The following DKK2 variants were observed in gnomAD, a reference collection of about 807,000 sequenced individuals.
The protein encoded by DKK2 is dickkopf-related protein 2.
In DKK2, 11 loss-of-function variants were observed where a neutral mutation model predicts 28.1. The observed-to-expected ratio is 0.39, with a 90% CI of 0.25 to 0.65. DKK2 has a LOEUF of 0.65. Ranked by LOEUF, DKK2 falls within the 30% of genes least tolerant of loss-of-function variation. The pLI, the probability that DKK2 is intolerant of heterozygous loss-of-function variation, is 0.47. For missense variants in DKK2, 326 were observed against 335.5 expected (o/e 0.97, Z 0.22); for synonymous variants, 135 against 126.5 (o/e 1.07, Z -0.45).
intron 1 of DKK2, among the ~76,000 whole-genome samples, chr4:106,982,105 T>C (rs1723034739): frequency 6.6e-6 from 1 of 152,218 alleles, no homozygotes; most frequent in Non-Finnish European, 1.5e-5. Context: ...AGTATTTCAA[T>C]GTATGACAAG....
intron 1 of DKK2, among the ~76,000 whole-genome samples, chr4:107,020,767 G>C (rs770966399): frequency 2.4e-4 from 37 of 151,622 alleles, no homozygotes; most frequent in Non-Finnish European, 5.2e-4. Flanking sequence ...GACAGGCTTT[G>C]TGTGTGTGTG....
chr4:106,971,115 C>T (rs1034260023), intron 1 of DKK2, among the ~76,000 whole-genome samples: 21 of 152,122 alleles, frequency 1.4e-4, no homozygotes, highest in African/African-American at 4.8e-4. Context: ...TTTGTGTTCC[C>T]TCTGGGTAAA....
At chr4:107,017,016 G>A (rs72666035) in intron 1 of DKK2, among the ~76,000 whole-genome samples, 733 of 152,038 alleles carry the variant, frequency 4.8e-3, no homozygotes, top group Non-Finnish European at 8.3e-3. Flanking sequence ...CAAAAGGAGC[G>A]ACTAGAGATG....
rs866601676 is a variant in DKK2 at position 106,940,093 on chromosome 4, G to C, written c.223-14144C>G. Among the ~76,000 whole-genome samples the C allele has an allele frequency of 4.9e-3, 748 of 152,236 alleles. 3 individuals carry two copies. The highest frequency in any genetic ancestry group is 0.017 in the African/African-American group (697 of 41,536). On this transcript the variant is annotated intron_variant, in intron 1 of 3. Transcript: ENST00000285311. ...AACACCAAAAGCAATGGCAACAAAA[G>C]CCAAAATTGACAAATGGGATCCAAT...
intron 1 of DKK2, among the ~76,000 whole-genome samples, chr4:107,031,876 G>T (rs1364197534): frequency 6.6e-6 from 1 of 151,844 alleles, no homozygotes; most frequent in Non-Finnish European, 1.5e-5. Flanking sequence ...GTCCATAAAA[G>T]TCAACACCTC....
intron 1 of DKK2, among the ~76,000 whole-genome samples, chr4:106,935,255 CG>C (rs1339833883): frequency 2.7e-5 from 4 of 149,460 alleles, no homozygotes; most frequent in South Asian, 2.1e-4. Context: ...TCAGTGGGTG[CG>C]CGCACCGTGT....
chr4:107,015,888 C>T (rs1486278365), intron 1 of DKK2, among the ~76,000 whole-genome samples: 1 of 151,716 alleles, frequency 6.6e-6, no homozygotes, highest in South Asian at 2.1e-4. Context: ...AAACAAAATA[C>T]AATTTCCCTC....
At chr4:106,948,076 TTGAG>T (rs1280092954) in intron 1 of DKK2, among the ~76,000 whole-genome samples, 2 of 152,178 alleles carry the variant, frequency 1.3e-5, no homozygotes, top group Non-Finnish European at 2.9e-5. Context: ...ATTCAGCAGT[TTGAG>T]TGGGCATTAT....
At chr4:106,967,918 G>A (rs1423351704) in intron 1 of DKK2, among the ~76,000 whole-genome samples, 1 of 149,496 alleles carries the variant, frequency 6.7e-6, no homozygotes, top group Non-Finnish European at 1.5e-5. Context: ...TTAAGGGATG[G>A]AGAGAGGGGT....
At chr4:106,948,701 T>A (rs1397679795) in intron 1 of DKK2, among the ~76,000 whole-genome samples, 1 of 152,188 alleles carries the variant, frequency 6.6e-6, no homozygotes, top group Non-Finnish European at 1.5e-5. Context: ...GAACCAGAAG[T>A]ATCTCCTATC....
rs1724367422 is a variant in DKK2 at position 106,922,899 on chromosome 4, T to C, written c.*1055A>G. ...TGAACAAACGAAAAAGTTTTCCCAA[T>C]TTTCTTGCTTACTCCAGTGCAGTAC... is the stretch of plus-strand genomic sequence containing the variant. On this transcript the variant is annotated 3_prime_UTR_variant, in exon 4 of 4. Transcript: ENST00000285311. The C allele has an allele frequency of 6.6e-6, 1 of 152,146 alleles. No homozygotes were observed. Among genetic ancestry groups the C allele is most frequent in the African/African-American group, 2.4e-5 (1 of 41,440 alleles). 9.4% of individuals were successfully genotyped at this position (152,146 alleles called of 1,614,324 possible).
intron 1 of DKK2, among the ~76,000 whole-genome samples, chr4:106,999,114 G>A (rs1247760768): frequency 6.6e-6 from 1 of 152,124 alleles, no homozygotes; most frequent in African/African-American, 2.4e-5. Context: ...TGACCCCACA[G>A]CTAAGTTTGT....
rs1724363877 is a variant in DKK2, at chr4:106,922,686, T to G, written c.*1268A>C. The G allele has an allele frequency of 6.6e-6, 1 of 152,168 alleles. No individual in the cohort carries two copies. Among genetic ancestry groups the G allele is most frequent in the Non-Finnish European group, 1.5e-5 (1 of 68,032 alleles). 9.4% of individuals were successfully genotyped at this position (152,168 alleles called of 1,614,324 possible). A position where few individuals can be genotyped will look rare whatever the true frequency, so the allele number is the denominator to read the frequency against. Reference sequence around the variant, plus strand: ...TCCTGAAATTGAGATTATTTGAGGATCTCAGCACTATAAAATAAATAATTT... The same window carrying G: ...TCCTGAAATTGAGATTATTTGAGGAGCTCAGCACTATAAAATAAATAATTT... On this transcript the variant is annotated 3_prime_UTR_variant, in exon 4 of 4. Transcript: ENST00000285311.
chr4:107,024,013 C>A (rs1379680630), intron 1 of DKK2, among the ~76,000 whole-genome samples: 1 of 152,072 alleles, frequency 6.6e-6, no homozygotes, highest in African/African-American at 2.4e-5. Context: ...CACTCACTTT[C>A]TTCTTTAAAA....
intron 1 of DKK2, among the ~76,000 whole-genome samples, chr4:107,002,457 G>T (rs541766827): frequency 6.6e-6 from 1 of 152,222 alleles, no homozygotes; most frequent in East Asian, 1.9e-4. Flanking sequence ...TACAGTGTTT[G>T]TCATTTGGGT....
intron 1 of DKK2, among the ~76,000 whole-genome samples, chr4:106,950,627 G>A (rs550703500): frequency 3.9e-5 from 6 of 152,162 alleles, no homozygotes; most frequent in South Asian, 2.1e-4. Context: ...TCTTCCCGCC[G>A]TTATTCCCAC....
intron 1 of DKK2, among the ~76,000 whole-genome samples, chr4:107,031,463 G>A (rs1022713444): frequency 2.0e-5 from 3 of 151,930 alleles, no homozygotes; most frequent in African/African-American, 7.2e-5. Flanking sequence ...TAGTCAACTC[G>A]TTCAAGCTTC....
intron 1 of DKK2, among the ~76,000 whole-genome samples, chr4:106,937,802 G>T (rs1319838084): frequency 1.3e-5 from 2 of 151,270 alleles, no homozygotes; most frequent in African/African-American, 4.9e-5. Context: ...TAGAACTCAG[G>T]ATTAAGAATC....
chr4:107,030,365 A>G lies in DKK2; in HGVS notation c.222+5005T>C, dbSNP rs187212775. 5.6e-3 allele frequency among the ~76,000 whole-genome samples: 852 copies of G among 152,200 alleles called. 6 individuals are homozygous for G. Among genetic ancestry groups the G allele is most frequent in the Non-Finnish European group, 6.9e-3 (470 of 67,922 alleles). ...ATACTAAATTTTTCTTATGCATTCT[A>G]TATTAAATCTTTCTGTGTAATCTTA... is the stretch of plus-strand genomic sequence containing the variant. On this transcript the variant is annotated intron_variant, in intron 1 of 3. Transcript: ENST00000285311.
Sources: gnomAD v4.1 joint callset for allele counts (sites outside exome capture counted in the v4.1 genomes callset) on GRCh38, gnomAD v4.1.1 for gene constraint, MANE v1.5 for transcripts, NCBI Gene and HGNC (gene_info 2026-07-23, HGNC 2026-07-21) for gene names.